Variants in SLC23A2 observed in about 807,000 individuals in gnomAD.
SLC23A2 encodes the protein solute carrier family 23 member 2.
A neutral mutation model predicts 73.3 loss-of-function variants in SLC23A2; 36 were observed. That is an observed-to-expected ratio of 0.49 (90% CI 0.38 to 0.65). SLC23A2 has a LOEUF of 0.65. Ranked by LOEUF, SLC23A2 falls within the 30% of genes least tolerant of loss-of-function variation. The probability of loss-of-function intolerance (pLI) is 0.00; values close to 1 mark genes in which losing one functional copy is unlikely to be tolerated. For synonymous variants in SLC23A2, 343 were observed against 327.3 expected (o/e 1.05, Z -0.52); for missense variants, 507 against 841.6 (o/e 0.60, Z 4.92).
chr20:4,891,059 C>G (rs1018444685), intron 6 of SLC23A2, among the ~76,000 whole-genome samples: 1 of 152,136 alleles, frequency 6.6e-6, no homozygotes, highest in Non-Finnish European at 1.5e-5. Context: ...AGGAAAAGAG[C>G]TTCCATCCTT....
chr20:4,967,987 T>G (rs2087500954), intron 2 of SLC23A2, among the ~76,000 whole-genome samples: 1 of 152,214 alleles, frequency 6.6e-6, no homozygotes, highest in South Asian at 2.1e-4. Context: ...TTAGGATCTG[T>G]ACTGATCATC....
intron 5 of SLC23A2, among the ~76,000 whole-genome samples, chr20:4,901,409 C>T (rs866189050): frequency 1.3e-5 from 2 of 152,120 alleles, no homozygotes; most frequent in African/African-American, 2.4e-5. Flanking sequence ...ATGCTAAGTC[C>T]GACCTCAGAA....
rs1929757647 is a variant in SLC23A2, at chr20:4,857,294, A to G, written c.1721-90T>C. ...TGTCGTCAAACACATACACACACAC[A>G]CACACACACACACACACACACACAC... On this transcript the variant is annotated intron_variant, in intron 16 of 16. Transcript: ENST00000338244. This position sits in a 1 kb window ranked among gnomAD's most constrained non-coding sequence, Gnocchi z 4.0. 2.8e-6 allele frequency: 1 copy of G among 359,762 alleles called. No individual in the cohort carries two copies. The highest frequency in any genetic ancestry group is 4.9e-6 in the Non-Finnish European group (1 of 205,450). 22.3% of individuals were successfully genotyped at this position (359,762 alleles called of 1,614,324 possible). A position where few individuals can be genotyped will look rare whatever the true frequency, so the allele number is the denominator to read the frequency against.
intron 1 of SLC23A2, among the ~76,000 whole-genome samples, chr20:4,981,698 C>T (rs1012380321): frequency 4.2e-5 from 6 of 143,200 alleles, no homozygotes; most frequent in Non-Finnish European, 1.5e-5. Context: ...TTCTTTCTTC[C>T]TTCCTTCCTT....
chr20:4,888,914 G>A (rs1299250004), intron 6 of SLC23A2, among the ~76,000 whole-genome samples: 1 of 152,172 alleles, frequency 6.6e-6, no homozygotes, highest in African/African-American at 2.4e-5. Flanking sequence ...CCAGATTCAG[G>A]GGTGGGTGGC....
intron 1 of SLC23A2, among the ~76,000 whole-genome samples, chr20:4,989,395 CAT>C (rs985868089): frequency 6.6e-6 from 1 of 151,734 alleles, no homozygotes; most frequent in African/African-American, 2.4e-5. Flanking sequence ...GGAATATTTG[CAT>C]ATATATATAG....
chr20:4,873,484 T>G (rs1463446515), intron 11 of SLC23A2, among the ~76,000 whole-genome samples: 1 of 152,236 alleles, frequency 6.6e-6, no homozygotes, highest in East Asian at 1.9e-4. Flanking sequence ...TGGCCAAATT[T>G]AAAAGATTAT....
intron 2 of SLC23A2, among the ~76,000 whole-genome samples, chr20:4,941,370 A>C (rs111625431): frequency 2.0e-5 from 3 of 152,048 alleles, no homozygotes; most frequent in Non-Finnish European, 4.4e-5. Context: ...CTCTACAAAA[A>C]ATGAAATTTT....
intron 1 of SLC23A2, among the ~76,000 whole-genome samples, chr20:4,984,197 G>A (rs749768818): frequency 1.3e-5 from 2 of 152,114 alleles, no homozygotes; most frequent in Non-Finnish European, 2.9e-5. Context: ...GGAATCTGAG[G>A]CTGCAGTGAG....
chr20:4,957,300 A>AT (rs1319991833), intron 2 of SLC23A2, among the ~76,000 whole-genome samples: 4 of 151,722 alleles, frequency 2.6e-5, no homozygotes, highest in Non-Finnish European at 5.9e-5. Context: ...GTACAAAAAA[A>AT]TTTTTTTTCT....
Position 4,856,979 on chromosome 20 carries a change from G to A in SLC23A2, c.1946C>T (p.Thr649Met), listed in dbSNP as rs754878558. ...SRSSDEDSQA[T>M]G ...CACAGGGCACAGCAAAGGCTATCCC[G>A]TGGCCTGGGAGTCTTCATCTGAACT... The change falls in exon 17 of 17, where the codon ACG becomes ATG. Residue 649 changes from threonine to methionine, a missense_variant. Physicochemically the swap from Thr to Met is moderately conservative, Grantham distance 81. Transcript: ENST00000338244. The surrounding 1 kb of genome is among the most constrained non-coding windows in gnomAD (Gnocchi z 4.6). 1.1e-4 allele frequency: 185 copies of A among 1,610,616 alleles called. No homozygotes were observed. Among genetic ancestry groups the A allele is most frequent in the Non-Finnish European group, 1.5e-4 (178 of 1,177,240 alleles).
rs371564157 is a variant in SLC23A2 at position 4,856,945 on chromosome 20, C to T, written c.*27G>A. 37 of 1,463,068 alleles carry T rather than the reference C, an allele frequency of 2.5e-5. No homozygotes were observed. The highest frequency in any genetic ancestry group is 1.7e-4 in the African/African-American group (12 of 71,602). The allele number at this position is 1,463,068 out of a possible 1,614,324, so 90.6% of individuals were successfully genotyped here. A position where few individuals can be genotyped will look rare whatever the true frequency, so the allele number is the denominator to read the frequency against. ...GGAACTACAGATACATGCCTCACTG[C>T]GGCCAGGCCACAGGGCACAGCAAAG... On this transcript the variant is annotated 3_prime_UTR_variant, in exon 17 of 17. Coordinates refer to ENST00000338244, the MANE Select transcript of SLC23A2 (RefSeq NM_005116.6). The surrounding 1 kb of genome is among the most constrained non-coding windows in gnomAD (Gnocchi z 4.6).
intron 15 of SLC23A2, among the ~76,000 whole-genome samples, chr20:4,861,619 T>C (rs1196718257): frequency 6.6e-6 from 1 of 151,626 alleles, no homozygotes; most frequent in Non-Finnish European, 1.5e-5. Context: ...TGAAGTTGAG[T>C]TTCAAAAAAA....
At chr20:4,889,291 AG>A (rs745739446) in intron 6 of SLC23A2, among the ~76,000 whole-genome samples, 2 of 152,106 alleles carry the variant, frequency 1.3e-5, no homozygotes, top group African/African-American at 2.4e-5. Flanking sequence ...CAAGAGCCAC[AG>A]GACGGACCCA....
Position 4,856,776 on chromosome 20 carries a change from CT to C in SLC23A2, c.*195del, listed in dbSNP as rs1263032854. The C allele has an allele frequency of 1.7e-6, 1 of 575,356 alleles. No individual in the cohort carries two copies. The highest frequency in any genetic ancestry group is 3.1e-6 in the Non-Finnish European group (1 of 323,222). The allele number at this position is 575,356 out of a possible 1,614,324, so 35.6% of individuals were successfully genotyped here. On this transcript the variant is annotated 3_prime_UTR_variant, in exon 17 of 17. Coordinates refer to ENST00000338244, the MANE Select transcript of SLC23A2 (RefSeq NM_005116.6). This position sits in a 1 kb window ranked among gnomAD's most constrained non-coding sequence, Gnocchi z 4.6. The stretch of plus-strand genomic sequence containing the variant: ...CTCTCAAAGGGCAAGGAGTTAAGGG[CT>C]TAAATAAGGAGATAGGCGAGACACC...
chr20:4,872,331 C>T lies in SLC23A2; in HGVS notation c.1102+1605G>A, dbSNP rs1231542165. Among the ~76,000 whole-genome samples the T allele has an allele frequency of 6.6e-6, 1 of 152,162 alleles. No individual in the cohort carries two copies. The highest frequency in any genetic ancestry group is 1.5e-5 in the Non-Finnish European group (1 of 68,034). ...GCTTTCTAGCTATGGAGCTCTGGTACCCCACCAGCCCTCGGCAGGCCAGGA... is the reference window on the plus strand; with the variant it reads ...GCTTTCTAGCTATGGAGCTCTGGTATCCCACCAGCCCTCGGCAGGCCAGGA... On this transcript the variant is annotated intron_variant, in intron 11 of 16. Coordinates refer to ENST00000338244, the MANE Select transcript of SLC23A2 (RefSeq NM_005116.6). This position sits in a 1 kb window ranked among gnomAD's most constrained non-coding sequence, Gnocchi z 4.4.
intron 2 of SLC23A2, among the ~76,000 whole-genome samples, chr20:4,951,647 T>C (rs1290858810): frequency 6.6e-6 from 1 of 152,176 alleles, no homozygotes; most frequent in Admixed American, 6.5e-5. Context: ...TGACTATTCA[T>C]GGGTTTTAGG....
At chr20:4,932,328 A>G (rs1363995422) in intron 3 of SLC23A2, 127 bp downstream of exon 3, 4 of 677,218 alleles carry the variant, frequency 5.9e-6, no homozygotes, top group African/African-American at 5.4e-5. Flanking sequence ...TCTCACATAT[A>G]AAGTATTTGG....
Position 4,889,031 on chromosome 20 carries a change from A to C in SLC23A2, c.483-3122T>G, listed in dbSNP as rs73893856. On this transcript the variant is annotated intron_variant, in intron 6 of 16. Transcript: ENST00000338244. ...TTGTCACCTGATAAATGATTCTTGG[A>C]TATCTGCTTGACACCAGCACAATTA... 4.5e-3 allele frequency among the ~76,000 whole-genome samples: 683 copies of C among 152,264 alleles called. 9 individuals carry two copies. The highest frequency in any genetic ancestry group is 0.024 in the Admixed American group (374 of 15,298).
Sources: allele counts gnomAD v4.1 joint callset (sites outside exome capture counted in the v4.1 genomes callset), GRCh38; gene constraint gnomAD v4.1.1; non-coding constraint Gnocchi (gnomAD v3.1); transcripts MANE v1.5; gene names NCBI Gene and HGNC (gene_info 2026-07-23, HGNC 2026-07-21).